The following SNX32 variants were observed in gnomAD, a reference collection of about 807,000 sequenced individuals.
The protein encoded by SNX32 is sorting nexin 32.
A neutral mutation model predicts 57.0 loss-of-function variants in SNX32; 58 were observed. The ratio of observed to expected loss-of-function variants is 1.02; its 90% CI spans 0.82 to 1.27. SNX32 has a LOEUF of 1.27. SNX32 is among the 50% of genes most tolerant of loss of function. The pLI is 0.00. For missense variants in SNX32, 589 were observed against 541.2 expected (o/e 1.09, Z -0.88); for synonymous variants, 262 against 220.4 (o/e 1.19, Z -1.67).
chr11:65,837,721 G>A (rs1487189342), intron 1 of SNX32, among the ~76,000 whole-genome samples: 2 of 149,908 alleles, frequency 1.3e-5, no homozygotes, highest in Non-Finnish European at 3.0e-5. Context: ...TCAGGAGGCT[G>A]AGGCAGGAGA....
rs1219212293 is a variant in SNX32, at chr11:65,846,983, C to CA, written c.37-2484dup. Among the ~76,000 whole-genome samples the CA allele has an allele frequency of 3.7e-3, 527 of 141,248 alleles. 2 individuals carry two copies. The highest frequency in any genetic ancestry group is 0.012 in the African/African-American group (475 of 38,844). 92.7% of individuals were successfully genotyped at this position (141,248 alleles called of 152,430 possible). A position where few individuals can be genotyped will look rare whatever the true frequency, so the allele number is the denominator to read the frequency against. ...GGGCAACAAGAGTGAAACTCCATTT[C>CA]AAAAAAAAAAATTTAGCTTTAGTTT... On this transcript the variant is annotated intron_variant, in intron 1 of 12. Transcript: ENST00000308342.
At position 65,851,095 on chromosome 11, in the gene SNX32, T is replaced by TG. The variant is rs763091158; in HGVS notation, c.646dup (p.Glu216GlyfsTer57). Reference sequence around the variant, plus strand: ...TTTGAGCATGAGAGGACCTTCCTGTTGGAGTATCACACCCGTATCCGAGAT... The same window carrying TG: ...TTTGAGCATGAGAGGACCTTCCTGTTGGGAGTATCACACCCGTATCCGAGAT... On this transcript the variant is annotated frameshift_variant, in exon 7 of 13. Transcript: ENST00000308342. LOFTEE classifies it high-confidence loss of function. 54 of 1,613,910 alleles carry TG rather than the reference T, an allele frequency of 3.3e-5. No homozygotes were observed. Among genetic ancestry groups the TG allele is most frequent in the Non-Finnish European group, 4.4e-5 (52 of 1,179,992 alleles).
chr11:65,840,477 C>A (rs746053418), intron 1 of SNX32, among the ~76,000 whole-genome samples: 1 of 152,072 alleles, frequency 6.6e-6, no homozygotes, highest in Non-Finnish European at 1.5e-5. Context: ...AAACTGTCAT[C>A]ATTTTAGATT....
chr11:65,851,996 T>C (rs533637673), intron 9 of SNX32, among the ~76,000 whole-genome samples: 5 of 152,112 alleles, frequency 3.3e-5, no homozygotes, highest in Admixed American at 2.0e-4. Context: ...CGGGCACACA[T>C]GTTCCCCACT....
intron 2 of SNX32, 37 bp from the exon 3 acceptor site, chr11:65,849,883 G>A (rs1859112730): frequency 6.6e-7 from 1 of 1,508,586 alleles, no homozygotes; most frequent in Admixed American, 2.0e-5. Flanking sequence ...AGGGCTTGGG[G>A]CAGAGAGAGG....
intron 1 of SNX32, among the ~76,000 whole-genome samples, chr11:65,847,663 A>G (rs1182356344): frequency 6.6e-6 from 1 of 152,224 alleles, no homozygotes; most frequent in African/African-American, 2.4e-5. Context: ...TAATCCCAGC[A>G]CCTTGGGAGG....
At chr11:65,850,667 G>A (rs1306928853) in intron 5 of SNX32, 84 bp from the exon 6 acceptor site, 24 of 1,574,364 alleles carry the variant, frequency 1.5e-5, no homozygotes, top group South Asian at 1.0e-4. Context: ...CCAATCCTGT[G>A]TCACAGCTCC....
At chr11:65,850,934 G>A in intron 6 of SNX32, 79 bp downstream of exon 6, 1 of 1,526,516 alleles carries the variant, frequency 6.6e-7, no homozygotes, top group Non-Finnish European at 9.1e-7. Context: ...GCTGGGTGTG[G>A]GAAGGAAGCC....
In SNX32 at chr11:65,835,192, T is replaced by G. The variant is rs1337872181; in HGVS notation, c.36+1091T>G. Among the ~76,000 whole-genome samples the G allele has an allele frequency of 2.0e-5, 3 of 152,096 alleles. No homozygotes were observed. The East Asian group carries it at 5.8e-4, about 29-fold the overall frequency. On this transcript the variant is annotated intron_variant, in intron 1 of 12. Coordinates refer to ENST00000308342, the MANE Select transcript of SNX32 (RefSeq NM_152760.3). ...CTTGAGCAAGGGAGTGGGGAGCCTCTGTGGCACCTGTGTGCGGACTGATGA... is the reference window on the plus strand; with the variant it reads ...CTTGAGCAAGGGAGTGGGGAGCCTCGGTGGCACCTGTGTGCGGACTGATGA...
At chr11:65,853,058 C>T (rs907534113) in intron 12 of SNX32, 100 bp downstream of exon 12, 79 of 1,344,904 alleles carry the variant, frequency 5.9e-5, no homozygotes, top group Middle Eastern at 1.9e-4. Flanking sequence ...AGGGTGTGCA[C>T]GCATGTATGC....
chr11:65,851,216 CT>C (rs1218428210), intron 7 of SNX32, 56 bp downstream of exon 7: 3 of 1,597,782 alleles, frequency 1.9e-6, no homozygotes. Context: ...AGCGGTTCAA[CT>C]CCTTGGGGGA....
Position 65,850,831 on chromosome 11 carries a change from C to G in SNX32, c.579C>G (p.Leu193=). The G allele has an allele frequency of 6.2e-7, 1 of 1,613,910 alleles. No homozygotes were observed. Among genetic ancestry groups the G allele is most frequent in the Non-Finnish European group, 8.5e-7 (1 of 1,179,888 alleles). Reference sequence around the variant, plus strand: ...TTGTGAAGTCCGCGGATGAAGCCCTCATCACGGGCATGTCAGGGCTCAAGG... The same window carrying G: ...TTGTGAAGTCCGCGGATGAAGCCCTGATCACGGGCATGTCAGGGCTCAAGG... ...RNIVKSADEA[L]ITGMSGLKEV... Residue 193 remains leucine (L), a synonymous_variant, in exon 6 of 13, where the codon CTC becomes CTG. Transcript: ENST00000308342.
At chr11:65,843,428 G>A (rs1858904535) in intron 1 of SNX32, among the ~76,000 whole-genome samples, 1 of 151,740 alleles carries the variant, frequency 6.6e-6, no homozygotes, top group Non-Finnish European at 1.5e-5. Flanking sequence ...AATTAGCCAG[G>A]CGTTGTGGCG....
Position 65,850,739 on chromosome 11 carries a change from T to A in SNX32, c.499-12T>A. 1 of 1,612,762 alleles carries A rather than the reference T, an allele frequency of 6.2e-7. No individual in the cohort carries two copies. The highest frequency in any genetic ancestry group is 8.5e-7 in the Non-Finnish European group (1 of 1,179,012). ...GCCCACCCCAGCATCATACCCTCCC[T>A]GTGTGCCTCAGCTGAGTGTCCGGGG... On this transcript the variant is annotated splice_polypyrimidine_tract_variant and intron_variant, in intron 5 of 12. Coordinates refer to ENST00000308342, the MANE Select transcript of SNX32 (RefSeq NM_152760.3).
At position 65,851,662 on chromosome 11, in the gene SNX32, C is replaced by A. The variant is rs750703762; in HGVS notation, c.808C>A (p.Leu270Ile). The change falls in exon 9 of 13, where the codon CTC (leucine) becomes ATC (isoleucine). Residue 270 changes from leucine to isoleucine, a missense_variant. Coordinates refer to ENST00000308342, the MANE Select transcript of SNX32 (RefSeq NM_152760.3). ...LRTSFLKLAE[L>I]FERLRKLEGR... ...TAGGAGCTTCCTCAAATTGGCAGAG[C>A]TCTTTGAACGGCTGAGGGTGAGTAC... is the stretch of plus-strand genomic sequence containing the variant. 1 of 1,614,134 alleles carries A rather than the reference C, an allele frequency of 6.2e-7. No homozygotes were observed. The highest frequency in any genetic ancestry group is 1.1e-5 in the South Asian group (1 of 91,080).
Position 65,839,215 on chromosome 11 carries a change from A to ATTTTTTTTTTTTTTTTTTTTTTTT in SNX32, c.36+5121_36+5122insTTTTTTTTTTTTTTTTTTTTTTTT, listed in dbSNP as rs1555032605. On this transcript the variant is annotated intron_variant, in intron 1 of 12. Transcript: ENST00000308342. ...AGCTGTGCCCCACCACGCCCAGCTAATTTTTTTGTATTTTTTTTTTTTTTT... is the reference window on the plus strand; with the variant it reads ...AGCTGTGCCCCACCACGCCCAGCTAATTTTTTTTTTTTTTTTTTTTTTTTTTTTTTTGTATTTTTTTTTTTTTTT... Among the ~76,000 whole-genome samples the ATTTTTTTTTTTTTTTTTTTTTTTT allele has an allele frequency of 5.1e-4, 10 of 19,530 alleles. 1 individual carries two copies. Among genetic ancestry groups the ATTTTTTTTTTTTTTTTTTTTTTTT allele is most frequent in the Admixed American group, 7.7e-4 (1 of 1,302 alleles). The allele number at this position is 19,530 out of a possible 152,430, so 12.8% of individuals were successfully genotyped here. A position where few individuals can be genotyped will look rare whatever the true frequency, so the allele number is the denominator to read the frequency against.
chr11:65,848,411 A>G (rs1235352701), intron 1 of SNX32, among the ~76,000 whole-genome samples: 1 of 151,450 alleles, frequency 6.6e-6, no homozygotes, highest in African/African-American at 2.4e-5. Context: ...TGTCTCTAAA[A>G]AAAAAAAAAA....
At chr11:65,847,283 A>T (rs964726854) in intron 1 of SNX32, among the ~76,000 whole-genome samples, 1 of 151,990 alleles carries the variant, frequency 6.6e-6, no homozygotes, top group African/African-American at 2.4e-5. Context: ...CCTCTCTCCC[A>T]AAGTGCTGGA....
At chr11:65,847,196 T>C (rs1859025411) in intron 1 of SNX32, among the ~76,000 whole-genome samples, 1 of 151,924 alleles carries the variant, frequency 6.6e-6, no homozygotes, top group African/African-American at 2.4e-5. Context: ...TTTGTGGAGA[T>C]GGGGGTCGAA....
Sources: gnomAD v4.1 joint callset for allele counts (sites outside exome capture counted in the v4.1 genomes callset) on GRCh38, gnomAD v4.1.1 for gene constraint, MANE v1.5 for transcripts, NCBI Gene and HGNC (gene_info 2026-07-23, HGNC 2026-07-21) for gene names.